Variants in BCAT1 observed in about 807,000 individuals in gnomAD.
BCAT1 encodes the protein branched chain amino acid transaminase 1, also known as branched-chain-amino-acid aminotransferase, cytosolic.
In BCAT1, 48 loss-of-function variants were observed where a neutral mutation model predicts 52.4. The observed-to-expected ratio is 0.92, with a 90% confidence interval of 0.73 to 1.16. The LOEUF is 1.16. Among genes scored for constraint, BCAT1 ranks in the 50% most tolerant of loss-of-function variants. The pLI, the probability that BCAT1 is intolerant of heterozygous loss-of-function variation, is 0.00. For synonymous variants in BCAT1, 167 were observed against 161.3 expected, an observed-to-expected ratio of 1.04 and a Z score of -0.27; for missense variants, 451 against 457.1, an observed-to-expected ratio of 0.99 and a Z score of 0.12.
At chr12:24,845,461 T>C (rs1010382024) in intron 6 of BCAT1, among the ~76,000 whole-genome samples, 1 of 152,086 alleles carries the variant, frequency 6.6e-6, no homozygotes, top group African/African-American at 2.4e-5. Context: ...AATAGATAAC[T>C]GAGTTAAATT....
Position 24,894,471 on chromosome 12 carries a change from T to C in BCAT1, c.83A>G (p.Lys28Arg). ...SKEVVGTFKA[K>R]DLIVTPATIL... ...GGTAGCTGGTGTGACTATTAGGTCT[T>C]TAGCCTGGGGAAGAAAAATCATCAC... The change falls in exon 3 of 11, where the codon AAA (lysine) becomes AGA (arginine). Residue 28 changes from lysine to arginine, a missense_variant. Coordinates refer to ENST00000261192, the MANE Select transcript of BCAT1 (RefSeq NM_005504.7). 1 of 1,586,716 alleles carries C rather than the reference T, an allele frequency of 6.3e-7. No individual in the cohort carries two copies. Among genetic ancestry groups the C allele is most frequent in the East Asian group, 2.3e-5 (1 of 44,182 alleles).
intron 1 of BCAT1, among the ~76,000 whole-genome samples, chr12:24,915,018 G>A (rs35151527): frequency 0.16 from 23,732 of 152,036 alleles, 2,399 homozygotes; most frequent in Non-Finnish European, 0.22. Context: ...TACCCACAAA[G>A]ATAATAATAA....
chr12:24,878,022 C>T (rs1942393875), intron 5 of BCAT1, among the ~76,000 whole-genome samples: 1 of 151,884 alleles, frequency 6.6e-6, no homozygotes, highest in African/African-American at 2.4e-5. Flanking sequence ...GGCATGGTAG[C>T]ACATGCCTGT....
At chr12:24,868,786 A>G (rs1367771061) in intron 5 of BCAT1, among the ~76,000 whole-genome samples, 1 of 152,138 alleles carries the variant, frequency 6.6e-6, no homozygotes, top group Non-Finnish European at 1.5e-5. Flanking sequence ...AACTTTAACT[A>G]CTTTAAAACT....
At chr12:24,886,275 G>A (rs1461294083) in intron 3 of BCAT1, among the ~76,000 whole-genome samples, 1 of 152,028 alleles carries the variant, frequency 6.6e-6, no homozygotes, top group Non-Finnish European at 1.5e-5. Flanking sequence ...AAAATTAGCT[G>A]AGCATGGTGC....
chr12:24,899,561 T>C (rs1943039538), intron 2 of BCAT1, among the ~76,000 whole-genome samples: 1 of 152,054 alleles, frequency 6.6e-6, no homozygotes, highest in South Asian at 2.1e-4. Flanking sequence ...GAAATCAGTA[T>C]ATCAAAGGGA....
intron 4 of BCAT1, among the ~76,000 whole-genome samples, chr12:24,878,904 C>T (rs928489150): frequency 1.3e-5 from 2 of 151,474 alleles, no homozygotes; most frequent in African/African-American, 4.9e-5. Flanking sequence ...TTTATGGTAC[C>T]AATAAAAAAA....
intron 1 of BCAT1, among the ~76,000 whole-genome samples, chr12:24,909,297 C>A (rs951903134): frequency 6.6e-6 from 1 of 152,122 alleles, no homozygotes. Context: ...TCCTACCTGC[C>A]AAACCCTCCC....
At chr12:24,889,810 C>A (rs1942785575) in intron 3 of BCAT1, among the ~76,000 whole-genome samples, 1 of 152,130 alleles carries the variant, frequency 6.6e-6, no homozygotes, top group Non-Finnish European at 1.5e-5. Context: ...GGCTACATAG[C>A]AAGACCCCAT....
intron 5 of BCAT1, among the ~76,000 whole-genome samples, chr12:24,878,004 A>C (rs1315470051): frequency 6.6e-6 from 1 of 152,140 alleles, no homozygotes; most frequent in East Asian, 1.9e-4. Flanking sequence ...AAATTTAAAA[A>C]TTAGCTAGGC....
chr12:24,866,493 C>T (rs764168185), intron 5 of BCAT1, among the ~76,000 whole-genome samples: 17 of 152,316 alleles, frequency 1.1e-4, no homozygotes, highest in Middle Eastern at 6.8e-3. Flanking sequence ...GGGTGCACGG[C>T]GCGGGACTGG....
intron 1 of BCAT1, among the ~76,000 whole-genome samples, chr12:24,938,436 G>A (rs1368821254): frequency 2.6e-5 from 4 of 152,124 alleles, no homozygotes; most frequent in Admixed American, 2.6e-4. Context: ...ACTGTGGGTC[G>A]AGTTAAGAGA....
intron 3 of BCAT1, among the ~76,000 whole-genome samples, chr12:24,889,582 C>T (rs921134610): frequency 1.3e-5 from 2 of 152,186 alleles, no homozygotes; most frequent in African/African-American, 4.8e-5. Context: ...TGGCTGGTAA[C>T]TCCCATAGCC....
chr12:24,944,065 C>A (rs1943898487), intron 1 of BCAT1, among the ~76,000 whole-genome samples: 1 of 152,086 alleles, frequency 6.6e-6, no homozygotes, highest in Non-Finnish European at 1.5e-5. Context: ...GGAAGTCTTG[C>A]CTCAAACCTG....
chr12:24,850,657 G>A lies in BCAT1; in HGVS notation c.511-708C>T, dbSNP rs115508145. Among the ~76,000 whole-genome samples, 501 of 152,252 alleles carry A rather than the reference G, an allele frequency of 3.3e-3. 3 individuals are homozygous for A. The highest frequency in any genetic ancestry group is 0.011 in the African/African-American group (439 of 41,540). ...ATTACTGAGTTTTGGCCAATCAAAC[G>A]TGGCCAACTGTTCAAACCATGTTCA... On this transcript the variant is annotated intron_variant, in intron 5 of 10. Coordinates refer to ENST00000261192, the MANE Select transcript of BCAT1 (RefSeq NM_005504.7).
At chr12:24,879,326 A>G (rs945484411) in intron 4 of BCAT1, among the ~76,000 whole-genome samples, 1 of 152,216 alleles carries the variant, frequency 6.6e-6, no homozygotes, top group South Asian at 2.1e-4. Flanking sequence ...CAATGAAGAG[A>G]TAGATAACCC....
At chr12:24,910,839 A>T (rs749712882) in intron 1 of BCAT1, among the ~76,000 whole-genome samples, 8 of 152,150 alleles carry the variant, frequency 5.3e-5, no homozygotes, top group Non-Finnish European at 1.0e-4. Context: ...GCACAGTGGC[A>T]CACGCCTGTA....
At chr12:24,903,313 A>G in intron 1 of BCAT1, 1 of 332,542 alleles carries the variant, frequency 3.0e-6, no homozygotes, top group Non-Finnish European at 5.3e-6. Context: ...ATATTTCGCG[A>G]GCATCCTTGT....
At chr12:24,902,075 G>A in intron 1 of BCAT1, 190 bp from the exon 2 acceptor site, 1 of 1,507,738 alleles carries the variant, frequency 6.6e-7, no homozygotes, top group Non-Finnish European at 8.8e-7. Context: ...GCGCTGCCCT[G>A]CACTTCCCAC....
Sources: gnomAD v4.1 joint callset for allele counts (sites outside exome capture counted in the v4.1 genomes callset) on GRCh38, gnomAD v4.1.1 for gene constraint, MANE v1.5 for transcripts, NCBI Gene and HGNC (gene_info 2026-07-23, HGNC 2026-07-21) for gene names.